AP2S1: variants seen among roughly 807,000 people sequenced by gnomAD.
The protein encoded by AP2S1 is AP-2 complex subunit sigma.
In AP2S1, 6 loss-of-function variants were observed where a neutral mutation model predicts 21.0. That is an observed-to-expected ratio of 0.29 (90% confidence interval 0.16 to 0.56). The LOEUF (loss-of-function observed/expected upper bound fraction) is 0.56, where lower values mean the gene tolerates loss of function less well. Ranked by LOEUF, AP2S1 falls within the 20% of genes least tolerant of loss-of-function variation. AP2S1 has a pLI of 0.92. For missense variants in AP2S1, 60 were observed against 186.2 expected (o/e 0.32, Z 3.95); for synonymous variants, 63 against 74.6 (o/e 0.84, Z 0.80).
At chr19:46,845,859 T>C (rs1432694018) in intron 2 of AP2S1, 134 bp downstream of exon 2, 8 of 1,176,894 alleles carry the variant, frequency 6.8e-6, no homozygotes, top group Non-Finnish European at 9.5e-6. Flanking sequence ...GCAAGCAAGC[T>C]CAAAGCAGGT....
At chr19:46,842,471 T>G (rs949802621) in intron 2 of AP2S1, among the ~76,000 whole-genome samples, 1 of 152,050 alleles carries the variant, frequency 6.6e-6, no homozygotes. Flanking sequence ...CACAGAAACA[T>G]TAGGTGAATA....
intron 1 of AP2S1, among the ~76,000 whole-genome samples, chr19:46,846,815 G>A (rs1031230507): frequency 1.3e-5 from 2 of 151,980 alleles, no homozygotes; most frequent in Non-Finnish European, 2.9e-5. Flanking sequence ...ACAGGCACCC[G>A]CCACCACGCC....
At chr19:46,847,855 A>G (rs2055664703) in intron 1 of AP2S1, among the ~76,000 whole-genome samples, 1 of 152,158 alleles carries the variant, frequency 6.6e-6, no homozygotes, top group South Asian at 2.1e-4. Context: ...TTTCTGCTTT[A>G]GGGCTATTAT....
intron 2 of AP2S1, chr19:46,845,708 C>A: frequency 3.7e-6 from 1 of 270,766 alleles, no homozygotes; most frequent in Non-Finnish European, 6.8e-6. Flanking sequence ...AATAACAATG[C>A]AGAACAAAAA....
chr19:46,845,889 G>C, intron 2 of AP2S1, 104 bp downstream of exon 2: 1 of 1,464,054 alleles, frequency 6.8e-7, no homozygotes, highest in Non-Finnish European at 9.4e-7. Context: ...GATATAGGAT[G>C]GATAGAGGGT....
chr19:46,838,830 T>C lies in AP2S1; in HGVS notation c.268-31A>G. The C allele has an allele frequency of 6.2e-7, 1 of 1,604,540 alleles. No homozygotes were observed. Among genetic ancestry groups the C allele is most frequent in the Non-Finnish European group, 8.5e-7 (1 of 1,172,194 alleles). ...AGAGGAAGGCAGAGATGGTAAGAGA[T>C]GGGCAGGGAGAGAGCCACACACGCA... is the stretch of plus-strand genomic sequence containing the variant. On this transcript the variant is annotated intron_variant, in intron 3 of 4. Coordinates refer to ENST00000263270, the MANE Select transcript of AP2S1 (RefSeq NM_004069.6). This position sits in a 1 kb window ranked among gnomAD's most constrained non-coding sequence, Gnocchi z 4.1.
chr19:46,839,827 G>A (rs969272405), intron 2 of AP2S1, among the ~76,000 whole-genome samples: 2 of 76,484 alleles, frequency 2.6e-5, no homozygotes, highest in African/African-American at 6.3e-5. Context: ...AACCCCCTCT[G>A]ATCCTGGAGA....
At chr19:46,843,257 G>A (rs567339938) in intron 2 of AP2S1, among the ~76,000 whole-genome samples, 2 of 152,216 alleles carry the variant, frequency 1.3e-5, no homozygotes, top group East Asian at 3.9e-4. Flanking sequence ...TGCTGGTCCG[G>A]TCACCAGCAT....
chr19:46,839,427 C>CCCCCCCCCCCCCCCCAAAAA, intron 3 of AP2S1, 38 bp downstream of exon 3: 5 of 1,505,490 alleles, frequency 3.3e-6, no homozygotes, highest in South Asian at 1.1e-5. Flanking sequence ...CAGGGCTGCC[C>CCCCCCCCCCCCCCCCAAAAA]ACCCGCCTCC....
intron 2 of AP2S1, 139 bp downstream of exon 2, chr19:46,845,854 C>G (rs1199115835): frequency 2.4e-5 from 26 of 1,103,760 alleles, no homozygotes; most frequent in Non-Finnish European, 3.3e-5. Context: ...AAGAAGCAAG[C>G]AAGCTCAAAG....
chr19:46,848,139 C>T (rs1350114763), intron 1 of AP2S1, among the ~76,000 whole-genome samples: 1 of 152,038 alleles, frequency 6.6e-6, no homozygotes, highest in Admixed American at 6.6e-5. Context: ...GAGGCCAAGG[C>T]GGGCAGATCA....
rs960008659 is a variant in AP2S1, at chr19:46,838,173, C to G, written c.*274G>C. On this transcript the variant is annotated 3_prime_UTR_variant, in exon 5 of 5. Transcript: ENST00000263270. The surrounding 1 kb of genome is among the most constrained non-coding windows in gnomAD (Gnocchi z 4.1). ...AGGGCTCAAAGACGGCAAGGCCAGG[C>G]AGGACCACAGGTTTATTGGGGACTC... The G allele has an allele frequency of 2.1e-6, 1 of 474,306 alleles. No individual in the cohort carries two copies. Among genetic ancestry groups the G allele is most frequent in the Non-Finnish European group, 3.9e-6 (1 of 258,934 alleles). 29.4% of individuals were successfully genotyped at this position (474,306 alleles called of 1,614,324 possible). A position where few individuals can be genotyped will look rare whatever the true frequency, so the allele number is the denominator to read the frequency against.
rs1204306657 is a variant in AP2S1, at chr19:46,838,918, G to GGA, written c.268-121_268-120dup. The GGA allele has an allele frequency of 1.5e-5, 12 of 822,776 alleles. No homozygotes were observed. Among genetic ancestry groups the GGA allele is most frequent in the Admixed American group, 4.5e-5 (2 of 44,530 alleles). 51.0% of individuals were successfully genotyped at this position (822,776 alleles called of 1,614,324 possible). A position where few individuals can be genotyped will look rare whatever the true frequency, so the allele number is the denominator to read the frequency against. On this transcript the variant is annotated intron_variant, in intron 3 of 4. Transcript: ENST00000263270. The surrounding 1 kb of genome is among the most constrained non-coding windows in gnomAD (Gnocchi z 4.1). ...AAAAAGAGACCAAGGGGGAGGCAGG[G>GGA]GAGAGAGAGAGACAGTGACAGGGAG... is the stretch of plus-strand genomic sequence containing the variant.
chr19:46,848,096 C>T (rs887729981), intron 1 of AP2S1, among the ~76,000 whole-genome samples: 3 of 152,110 alleles, frequency 2.0e-5, no homozygotes, highest in Admixed American at 6.6e-5. Flanking sequence ...TGGCCGGTCA[C>T]GGTGGCTCAC....
chr19:46,842,308 C>A (rs2055537502), intron 2 of AP2S1, among the ~76,000 whole-genome samples: 2 of 152,246 alleles, frequency 1.3e-5, no homozygotes, highest in South Asian at 4.1e-4. Flanking sequence ...GGTGCCCTCC[C>A]CCAGCCAGGC....
intron 2 of AP2S1, 81 bp from the exon 3 acceptor site, chr19:46,839,659 C>G (rs767459154): frequency 1.9e-6 from 3 of 1,601,752 alleles, no homozygotes. Context: ...ACATTCACTC[C>G]TTCACTCCAT....
At chr19:46,849,052 G>A (rs1285397312) in intron 1 of AP2S1, among the ~76,000 whole-genome samples, 2 of 110,888 alleles carry the variant, frequency 1.8e-5, no homozygotes, top group Admixed American at 1.2e-4. Flanking sequence ...TCACTCTGTC[G>A]CCTAGGCCAG....
Position 46,850,832 on chromosome 19 carries a change from G to C in AP2S1, c.-66C>G. ...CGACTGGGCAGCTCCGGCTCAGGGT[G>C]CAGTTGTAGGGCCCAGAGCTAGAGC... On this transcript the variant is annotated 5_prime_UTR_variant, in exon 1 of 5. Transcript: ENST00000263270. 1 of 1,467,392 alleles carries C rather than the reference G, an allele frequency of 6.8e-7. No individual in the cohort carries two copies. Among genetic ancestry groups the C allele is most frequent in the Non-Finnish European group, 9.2e-7 (1 of 1,087,680 alleles). The allele number at this position is 1,467,392 out of a possible 1,614,324, so 90.9% of individuals were successfully genotyped here.
At position 46,846,136 on chromosome 19, in the gene AP2S1, A is replaced by G; in HGVS notation, c.10T>C (p.Phe4Leu). Residue 4 changes from phenylalanine (F) to leucine (L), a missense_variant, in exon 2 of 5, where the codon TTT (phenylalanine) becomes CTT (leucine). Physicochemically the swap from Phe to Leu is conservative, Grantham distance 22. Coordinates refer to ENST00000263270, the MANE Select transcript of AP2S1 (RefSeq NM_004069.6). MIRFILIQNRAGKT... is the reference protein window; with the variant it reads MIRLILIQNRAGKT... ...CCTGCCCGGTTCTGGATGAGGATAAAGCGGATCTGGGGGCAGCAGGAGGAG... is the reference window on the plus strand; with the variant it reads ...CCTGCCCGGTTCTGGATGAGGATAAGGCGGATCTGGGGGCAGCAGGAGGAG... 6.2e-7 allele frequency: 1 copy of G among 1,614,110 alleles called. No individual in the cohort carries two copies. Among genetic ancestry groups the G allele is most frequent in the African/African-American group, 1.3e-5 (1 of 75,052 alleles).
Sources: gnomAD v4.1 joint callset for allele counts (sites outside exome capture counted in the v4.1 genomes callset) on GRCh38, gnomAD v4.1.1 for gene constraint, Gnocchi (gnomAD v3.1) non-coding constraint, MANE v1.5 for transcripts, NCBI Gene and HGNC (gene_info 2026-07-23, HGNC 2026-07-21) for gene names.